Variants in AFG2B observed in about 807,000 individuals in gnomAD.
AFG2B encodes AAA ATPase AFG2B.
At chr15:45,405,555 G>A in the AFG2B span, 1 of 1,557,442 alleles carries the variant, frequency 6.4e-7, no homozygotes, top group Non-Finnish European at 8.7e-7. Context: ...TATTGTAACA[G>A]ATTAATTTGG....
At chr15:45,402,750 G>T in the AFG2B span, 2 of 1,572,882 alleles carry the variant, frequency 1.3e-6, no homozygotes, top group South Asian at 1.1e-5. Context: ...GTCCGCCCCT[G>T]CGGCGCGTCG....
chr15:45,405,412 CCTT>C, the AFG2B span: 9 of 1,614,024 alleles, frequency 5.6e-6, no homozygotes, highest in Non-Finnish European at 6.8e-6. Context: ...TTGATTTGGG[CCTT>C]CTTGCAGAAA....
the AFG2B span, chr15:45,403,560 CG>C: frequency 6.3e-7 from 1 of 1,582,418 alleles, no homozygotes. Flanking sequence ...GGTGGAACCT[CG>C]GCCGCTTCTG....
chr15:45,415,882 C>G, the AFG2B span: 2 of 1,102,726 alleles, frequency 1.8e-6, no homozygotes, highest in Non-Finnish European at 2.6e-6. Context: ...ATAGCTTTAC[C>G]TATGCTGAAT....
the AFG2B span, chr15:45,402,858 G>C: frequency 6.3e-7 from 1 of 1,598,572 alleles, no homozygotes; most frequent in Non-Finnish European, 8.5e-7. Flanking sequence ...GAAACCGACC[G>C]ATCTCCCTGG....
chr15:45,413,572 A>T, the AFG2B span, among the ~76,000 whole-genome samples: 1 of 152,150 alleles, frequency 6.6e-6, no homozygotes, highest in Non-Finnish European at 1.5e-5. Flanking sequence ...CTTCCACACC[A>T]TCTTCACTGC....
At chr15:45,407,876 A>G in the AFG2B span, among the ~76,000 whole-genome samples, 2 of 152,258 alleles carry the variant, frequency 1.3e-5, no homozygotes, top group Non-Finnish European at 2.9e-5. Flanking sequence ...TTTCACTAGA[A>G]TGATCAAGGA....
At chr15:45,420,971 A>G in the AFG2B span, 3 of 1,500,442 alleles carry the variant, frequency 2.0e-6, no homozygotes, top group Non-Finnish European at 1.8e-6. Context: ...CAGCCTGGGC[A>G]ATAAGAGCAA....
At chr15:45,407,294 C>A in the AFG2B span, 4 of 1,101,152 alleles carry the variant, frequency 3.6e-6, no homozygotes, top group Non-Finnish European at 4.6e-6. Flanking sequence ...TGTACCAGGG[C>A]AGATAAGGGA....
At chr15:45,415,267 C>T in the AFG2B span, among the ~76,000 whole-genome samples, 2 of 151,980 alleles carry the variant, frequency 1.3e-5, no homozygotes, top group South Asian at 2.1e-4. Flanking sequence ...GAGGCCAAGG[C>T]GGGTGAATAA....
At chr15:45,403,474 G>C in the AFG2B span, 3 of 1,607,558 alleles carry the variant, frequency 1.9e-6, no homozygotes, top group Non-Finnish European at 2.5e-6. Context: ...CCGGCCGGAC[G>C]CTCTAGACCC....
At chr15:45,411,192 C>T in the AFG2B span, among the ~76,000 whole-genome samples, 3 of 152,014 alleles carry the variant, frequency 2.0e-5, no homozygotes, top group Non-Finnish European at 4.4e-5. Flanking sequence ...ACAGAGAAAC[C>T]GTGTCCGGGG....
chr15:45,415,693 A>G, the AFG2B span: 4 of 1,614,142 alleles, frequency 2.5e-6, no homozygotes, highest in Non-Finnish European at 3.4e-6. Flanking sequence ...GATGTTCAAG[A>G]ACGAGTTCTT....
the AFG2B span, chr15:45,417,488 G>C: frequency 7.1e-7 from 1 of 1,409,160 alleles, no homozygotes; most frequent in Non-Finnish European, 9.6e-7. Flanking sequence ...ACTTACCCTG[G>C]GTTCCGCCTT....
At chr15:45,420,905 T>C in the AFG2B span, 1 of 771,018 alleles carries the variant, frequency 1.3e-6, no homozygotes, top group South Asian at 1.9e-5. Flanking sequence ...GGCAGGAGAA[T>C]TGCTTGAAAC....
the AFG2B span, chr15:45,418,557 G>T: frequency 1.3e-6 from 2 of 1,588,666 alleles, no homozygotes; most frequent in Non-Finnish European, 1.7e-6. Context: ...TTTGTTCCAG[G>T]GCAGGCTTTC....
At chr15:45,417,522 TGA>T in the AFG2B span, 1 of 945,710 alleles carries the variant, frequency 1.1e-6, no homozygotes, top group Non-Finnish European at 1.5e-6. Context: ...TGGCCTTTCA[TGA>T]CATCATAATT....
chr15:45,402,520 CT>C, the AFG2B span: 1 of 1,604,008 alleles, frequency 6.2e-7, no homozygotes, highest in Non-Finnish European at 8.5e-7. Context: ...GCGCTGCCGC[CT>C]GGGCCCGGCC....
the AFG2B span, among the ~76,000 whole-genome samples, chr15:45,416,506 C>T: frequency 6.6e-6 from 1 of 152,116 alleles, no homozygotes; most frequent in Non-Finnish European, 1.5e-5. Flanking sequence ...TAAAAATTGT[C>T]ATATGGAATT....
Sources: allele counts gnomAD v4.1 joint callset (sites outside exome capture counted in the v4.1 genomes callset), GRCh38; gene constraint gnomAD v4.1.1; transcripts MANE v1.5; gene names NCBI Gene and HGNC (gene_info 2026-07-23, HGNC 2026-07-21).